LIN7A: variants seen among roughly 807,000 people sequenced by gnomAD.
LIN7A encodes the protein lin-7 cell polarity scaffold A.
LIN7A carries 25 observed loss-of-function variants against 29.8 expected under a neutral mutation model. The ratio of observed to expected loss-of-function variants is 0.84; its 90% confidence interval spans 0.61 to 1.17. LIN7A has a LOEUF of 1.17. LIN7A is among the 50% of genes most tolerant of loss of function. The probability of loss-of-function intolerance (pLI) is 0.00; values close to 1 mark genes in which losing one functional copy is unlikely to be tolerated. For synonymous variants in LIN7A, 118 were observed against 107.5 expected, an observed-to-expected ratio of 1.10 and a Z score of -0.60; for missense variants, 239 against 287.0, an observed-to-expected ratio of 0.83 and a Z score of 1.21.
intron 5 of LIN7A, 88 bp from the exon 6 acceptor site, chr12:80,797,814 T>A (rs1478432600): frequency 6.6e-6 from 1 of 152,594 alleles, no homozygotes; most frequent in Non-Finnish European, 1.5e-5. Flanking sequence ...GAGCATATGC[T>A]ATGTGAGAAC....
chr12:80,933,984 T>A (rs747622411), intron 1 of LIN7A, among the ~76,000 whole-genome samples: 3 of 152,136 alleles, frequency 2.0e-5, no homozygotes, highest in Non-Finnish European at 4.4e-5. Context: ...TATAAAACAA[T>A]GTTTGGCGTA....
At chr12:80,812,605 G>A (rs973776567) in intron 4 of LIN7A, among the ~76,000 whole-genome samples, 1 of 151,848 alleles carries the variant, frequency 6.6e-6, no homozygotes, top group Admixed American at 6.6e-5. Flanking sequence ...AGGCTGGTGT[G>A]CAGTGGCCTG....
intron 5 of LIN7A, among the ~76,000 whole-genome samples, chr12:80,805,085 C>T (rs1870912802): frequency 6.6e-6 from 1 of 152,102 alleles, no homozygotes; most frequent in East Asian, 1.9e-4. Flanking sequence ...AAACATAGTA[C>T]CTAATCTGCA....
chr12:80,909,911 C>G (rs534998303), intron 1 of LIN7A, among the ~76,000 whole-genome samples: 5 of 150,606 alleles, frequency 3.3e-5, no homozygotes, highest in African/African-American at 1.2e-4. Context: ...GATTGTCTTA[C>G]ATCTCTGTAT....
chr12:80,903,167 C>A (rs906413499), intron 1 of LIN7A, among the ~76,000 whole-genome samples: 3 of 151,566 alleles, frequency 2.0e-5, no homozygotes, highest in African/African-American at 4.8e-5. Flanking sequence ...ACATTAAAAA[C>A]CAATTGGAGT....
At chr12:80,877,992 A>G (rs1367078442) in intron 2 of LIN7A, among the ~76,000 whole-genome samples, 1 of 152,212 alleles carries the variant, frequency 6.6e-6, no homozygotes, top group African/African-American at 2.4e-5. Flanking sequence ...CAACTTCTCC[A>G]AGGACTCTAT....
chr12:80,871,678 A>G (rs530513076), intron 2 of LIN7A, among the ~76,000 whole-genome samples: 280 of 152,120 alleles, frequency 1.8e-3, no homozygotes, highest in South Asian at 8.7e-3. Context: ...AGCCAGATAG[A>G]GACTAATTCA....
intron 1 of LIN7A, among the ~76,000 whole-genome samples, chr12:80,902,276 T>C (rs1472108867): frequency 1.3e-5 from 2 of 151,360 alleles, no homozygotes; most frequent in South Asian, 2.1e-4. Context: ...CTTTATGGTA[T>C]AGTTCAAAGT....
Position 80,822,512 on chromosome 12 carries a change from C to T in LIN7A, c.484-10829G>A, listed in dbSNP as rs371631277. On this transcript the variant is annotated intron_variant, in intron 4 of 5. Transcript: ENST00000552864. Reference sequence around the variant, plus strand: ...GGTGGAGGTTGCAGTGAGCCAAGATCGCACCACTTCACTCCAGCCTGGGTG... The same window carrying T: ...GGTGGAGGTTGCAGTGAGCCAAGATTGCACCACTTCACTCCAGCCTGGGTG... Among the ~76,000 whole-genome samples the T allele has an allele frequency of 4.0e-4, 61 of 152,156 alleles. 1 individual carries two copies. Among genetic ancestry groups the T allele is most frequent in the South Asian group, 1.2e-3 (6 of 4,810 alleles).
intron 4 of LIN7A, among the ~76,000 whole-genome samples, chr12:80,825,900 A>G (rs940952850): frequency 1.3e-5 from 2 of 152,246 alleles, no homozygotes; most frequent in Non-Finnish European, 2.9e-5. Context: ...CTAGAAGCCC[A>G]GGCAATTTAA....
At chr12:80,891,721 C>T (rs1875636378) in intron 1 of LIN7A, among the ~76,000 whole-genome samples, 1 of 152,074 alleles carries the variant, frequency 6.6e-6, no homozygotes, top group African/African-American at 2.4e-5. Flanking sequence ...TTATCATCAT[C>T]AAAGAAGTCA....
At chr12:80,922,247 A>C (rs1310757442) in intron 1 of LIN7A, among the ~76,000 whole-genome samples, 3 of 152,228 alleles carry the variant, frequency 2.0e-5, no homozygotes, top group Non-Finnish European at 4.4e-5. Flanking sequence ...ACCTCAAGGC[A>C]TGTATTTTAA....
chr12:80,914,143 T>A (rs1876911919), intron 1 of LIN7A, among the ~76,000 whole-genome samples: 1 of 152,144 alleles, frequency 6.6e-6, no homozygotes, highest in African/African-American at 2.4e-5. Context: ...CCATTACTCC[T>A]CCTCAAGTTA....
chr12:80,841,465 C>T (rs1210026881), intron 4 of LIN7A, among the ~76,000 whole-genome samples: 1 of 152,006 alleles, frequency 6.6e-6, no homozygotes, highest in East Asian at 1.9e-4. Context: ...TTTCTGTGTT[C>T]TATACAAGAT....
intron 4 of LIN7A, among the ~76,000 whole-genome samples, chr12:80,842,507 A>G (rs1183702452): frequency 6.6e-6 from 1 of 152,188 alleles, no homozygotes; most frequent in Non-Finnish European, 1.5e-5. Context: ...TTCTCAGTTT[A>G]GAATGGCATG....
chr12:80,931,010 C>T (rs1256660824), intron 1 of LIN7A, among the ~76,000 whole-genome samples: 1 of 152,140 alleles, frequency 6.6e-6, no homozygotes, highest in Non-Finnish European at 1.5e-5. Flanking sequence ...AAAGTATATC[C>T]TAACAGGCAA....
intron 1 of LIN7A, among the ~76,000 whole-genome samples, chr12:80,924,453 G>A (rs916965051): frequency 2.8e-4 from 42 of 152,326 alleles, no homozygotes; most frequent in Middle Eastern, 6.8e-3. Flanking sequence ...GGACCTGGTC[G>A]TGTTCTAAGC....
At chr12:80,913,412 A>T (rs1876865820) in intron 1 of LIN7A, among the ~76,000 whole-genome samples, 1 of 152,222 alleles carries the variant, frequency 6.6e-6, no homozygotes, top group African/African-American at 2.4e-5. Context: ...TCTAAGAAAC[A>T]AATGCTGCTT....
intron 1 of LIN7A, among the ~76,000 whole-genome samples, chr12:80,912,642 G>C (rs1277709086): frequency 1.3e-5 from 2 of 150,782 alleles, no homozygotes; most frequent in African/African-American, 4.9e-5. Context: ...TTGAATCCCA[G>C]AGGCAGAGGT....
Sources: allele counts gnomAD v4.1 joint callset (sites outside exome capture counted in the v4.1 genomes callset), GRCh38; gene constraint gnomAD v4.1.1; transcripts MANE v1.5; gene names NCBI Gene and HGNC (gene_info 2026-07-23, HGNC 2026-07-21).